The following FHOD3 variants were observed in gnomAD, a reference collection of about 807,000 sequenced individuals.
FHOD3 encodes FH1/FH2 domain-containing protein 3.
FHOD3 carries 90 observed loss-of-function variants against 173.0 expected under a neutral mutation model. The observed-to-expected ratio is 0.52, with a 90% confidence interval of 0.44 to 0.62. FHOD3 has a LOEUF of 0.62. Ranked by LOEUF, FHOD3 falls within the 20% of genes least tolerant of loss-of-function variation. The pLI, the probability that FHOD3 is intolerant of heterozygous loss-of-function variation, is 0.00. For missense variants in FHOD3, 1,945 were observed against 2,034.7 expected (o/e 0.96, Z 0.85); for synonymous variants, 828 against 823.0 (o/e 1.01, Z -0.10).
intron 3 of FHOD3, among the ~76,000 whole-genome samples, chr18:36,429,905 T>G (rs138455818): frequency 6.6e-6 from 1 of 152,096 alleles, no homozygotes; most frequent in Non-Finnish European, 1.5e-5. Context: ...TGGGTGGACT[T>G]CTGGGGCTTG....
chr18:36,541,260 A>G (rs1345390489), intron 5 of FHOD3, among the ~76,000 whole-genome samples: 1 of 148,648 alleles, frequency 6.7e-6, no homozygotes, highest in Non-Finnish European at 1.5e-5. Context: ...AAAAAAAAAA[A>G]AAAAAAAAAA....
At position 36,546,700 on chromosome 18, in the gene FHOD3, A is replaced by T. The variant is rs115470158; in HGVS notation, c.512-29751A>T. 2.9e-3 allele frequency among the ~76,000 whole-genome samples: 441 copies of T among 152,164 alleles called. 2 individuals are homozygous for T. Among genetic ancestry groups the T allele is most frequent in the African/African-American group, 9.1e-3 (378 of 41,506 alleles). Reference sequence around the variant, plus strand: ...TGGGATCTCAAGTGCACTCAGATGGATGGGTGTTTTGGTTCACGTTCTGGC... The same window carrying T: ...TGGGATCTCAAGTGCACTCAGATGGTTGGGTGTTTTGGTTCACGTTCTGGC... On this transcript the variant is annotated intron_variant, in intron 5 of 28. Coordinates refer to ENST00000590592, the MANE Select transcript of FHOD3 (RefSeq NM_001281740.3).
intron 20 of FHOD3, 86 bp downstream of exon 20, chr18:36,730,890 A>C (rs1046264504): frequency 2.9e-6 from 4 of 1,402,942 alleles, no homozygotes; most frequent in Non-Finnish European, 3.9e-6. Flanking sequence ...CAAAAGATCC[A>C]TGGTGCCTTT....
At chr18:36,678,524 C>CAAAAAAAAAA (rs58064190) in intron 14 of FHOD3, among the ~76,000 whole-genome samples, 3 of 71,146 alleles carry the variant, frequency 4.2e-5, no homozygotes, top group African/African-American at 1.1e-4. Context: ...GACCCTGTCT[C>CAAAAAAAAAA]AAAAAAAAAA....
intron 6 of FHOD3, among the ~76,000 whole-genome samples, chr18:36,593,489 T>A (rs1312508518): frequency 6.6e-6 from 1 of 151,976 alleles, no homozygotes. Context: ...GTGAGTGGTG[T>A]TTTTAAGCTA....
chr18:36,661,347 G>GTATA (rs1156674785), intron 14 of FHOD3, among the ~76,000 whole-genome samples: 1 of 151,880 alleles, frequency 6.6e-6, no homozygotes, highest in Non-Finnish European at 1.5e-5. Flanking sequence ...TTTTACTGAG[G>GTATA]TATATATACT....
chr18:36,491,809 C>T (rs567325145), intron 3 of FHOD3, among the ~76,000 whole-genome samples: 56 of 152,240 alleles, frequency 3.7e-4, no homozygotes, highest in African/African-American at 1.2e-3. Context: ...CTTGACAGCT[C>T]ATTTCTTTTT....
chr18:36,322,102 A>G (rs2044427884), intron 1 of FHOD3, among the ~76,000 whole-genome samples: 1 of 152,182 alleles, frequency 6.6e-6, no homozygotes, highest in South Asian at 2.1e-4. Flanking sequence ...AGGAACAGCA[A>G]GGCCACTGAG....
intron 13 of FHOD3, among the ~76,000 whole-genome samples, chr18:36,655,887 G>C (rs1164552308): frequency 6.6e-6 from 1 of 152,136 alleles, no homozygotes; most frequent in African/African-American, 2.4e-5. Flanking sequence ...ACCAAAGGAG[G>C]GAAAAACACA....
At chr18:36,348,814 G>C (rs561614200) in intron 1 of FHOD3, among the ~76,000 whole-genome samples, 1 of 152,262 alleles carries the variant, frequency 6.6e-6, no homozygotes, top group African/African-American at 2.4e-5. Context: ...GGCATGTCAG[G>C]GTTGGGCAGG....
chr18:36,751,176 C>T (rs750859599), intron 24 of FHOD3, among the ~76,000 whole-genome samples: 19 of 152,136 alleles, frequency 1.2e-4, no homozygotes, highest in Non-Finnish European at 2.2e-4. Flanking sequence ...TTGTAATTCT[C>T]ATTGTAGATA....
chr18:36,403,643 C>T (rs1487477516), intron 3 of FHOD3, among the ~76,000 whole-genome samples: 1 of 152,152 alleles, frequency 6.6e-6, no homozygotes, highest in African/African-American at 2.4e-5. Context: ...AACATAAAAT[C>T]ATAAGAAAAG....
At chr18:36,381,452 A>G (rs876139) in intron 3 of FHOD3, among the ~76,000 whole-genome samples, 1 of 152,176 alleles carries the variant, frequency 6.6e-6, no homozygotes, top group Admixed American at 6.5e-5. Flanking sequence ...AAGTCCCTGG[A>G]AATGGGGTCT....
chr18:36,302,812 T>G (rs1051576692), intron 1 of FHOD3, among the ~76,000 whole-genome samples: 1 of 152,216 alleles, frequency 6.6e-6, no homozygotes, highest in African/African-American at 2.4e-5. Context: ...GACAACACTG[T>G]TTTAAGAATG....
chr18:36,652,689 C>G lies in FHOD3; in HGVS notation c.1406C>G (p.Ala469Gly). Residue 469 changes from alanine to glycine, a missense_variant, in exon 12 of 29, where the codon GCA becomes GGA. Ala to Gly is a moderately conservative substitution (Grantham distance 60). Around this residue, in one of 5 missense-constraint regions of FHOD3, gnomAD observed 1,099 missense variants for 1,051.2 expected, o/e 1.05. Coordinates refer to ENST00000590592, the MANE Select transcript of FHOD3 (RefSeq NM_001281740.3). ...GGAAAGCCGCTTCTGGTTGGCACTG[C>G]AGGCGGGACCACCTGGCACAGTGGG... ...SQGKPLLVGT[A>G]GGTTWHSGSS... is the part of the protein sequence containing the mutation. The G allele has an allele frequency of 6.5e-7, 1 of 1,535,794 alleles. No homozygotes were observed. The highest frequency in any genetic ancestry group is 8.7e-7 in the Non-Finnish European group (1 of 1,146,680).
intron 10 of FHOD3, among the ~76,000 whole-genome samples, chr18:36,637,375 C>T (rs2034964413): frequency 6.6e-6 from 1 of 152,158 alleles, no homozygotes. Flanking sequence ...ACAATCTCAG[C>T]TCACTGCAAC....
intron 7 of FHOD3, among the ~76,000 whole-genome samples, chr18:36,596,693 T>C (rs867276568): frequency 2.7e-4 from 41 of 152,206 alleles, no homozygotes; most frequent in African/African-American, 9.2e-4. Context: ...ACTCGAGGTC[T>C]CTTTGTTGGG....
At position 36,653,992 on chromosome 18, in the gene FHOD3, C is replaced by T. The variant is rs141321812; in HGVS notation, c.1721+576C>T. Among the ~76,000 whole-genome samples, 822 of 152,300 alleles carry T rather than the reference C, an allele frequency of 5.4e-3. 9 individuals are homozygous for T. Among genetic ancestry groups the T allele is most frequent in the African/African-American group, 0.019 (773 of 41,580 alleles). ...GTCACTCAGCTAGTATGTTGCGAGG[C>T]GGTTTCAACCCCAGGCAGCCTGTTC... On this transcript the variant is annotated intron_variant, in intron 13 of 28. Transcript: ENST00000590592.
Position 36,359,741 on chromosome 18 carries a change from G to A in FHOD3, c.272+4096G>A, listed in dbSNP as rs139305532. ...AGTCTCATGGCTGTTTGACCCTGGGGATGTAACTTCACCTCTCTGAACCTC... is the reference window on the plus strand; with the variant it reads ...AGTCTCATGGCTGTTTGACCCTGGGAATGTAACTTCACCTCTCTGAACCTC... On this transcript the variant is annotated intron_variant, in intron 2 of 28. Coordinates refer to ENST00000590592, the MANE Select transcript of FHOD3 (RefSeq NM_001281740.3). Among the ~76,000 whole-genome samples, 1,263 of 152,292 alleles carry A rather than the reference G, an allele frequency of 8.3e-3. 14 individuals carry two copies. The highest frequency in any genetic ancestry group is 0.028 in the African/African-American group (1,177 of 41,554).
Sources: gnomAD v4.1 joint callset for allele counts (sites outside exome capture counted in the v4.1 genomes callset) on GRCh38, gnomAD v4.1.1 for gene constraint, gnomAD v4.1.1 regional missense constraint, MANE v1.5 for transcripts, NCBI Gene and HGNC (gene_info 2026-07-23, HGNC 2026-07-21) for gene names.